The following KCNH1 variants were observed in gnomAD, a reference collection of about 807,000 sequenced individuals.
KCNH1 encodes voltage-gated delayed rectifier potassium channel KCNH1.
KCNH1 carries 27 observed loss-of-function variants against 69.2 expected under a neutral mutation model. The ratio of observed to expected loss-of-function variants is 0.39; its 90% CI spans 0.29 to 0.54. The LOEUF (loss-of-function observed/expected upper bound fraction) is 0.54, where lower values mean the gene tolerates loss of function less well. Among genes scored for constraint, KCNH1 ranks in the 20% least tolerant of loss-of-function variants. KCNH1 has a pLI of 0.68. For missense variants in KCNH1, 798 were observed against 1,261.6 expected, an observed-to-expected ratio of 0.63 and a Z score of 5.57; for synonymous variants, 456 against 487.7, an observed-to-expected ratio of 0.93 and a Z score of 0.86.
intron 10 of KCNH1, among the ~76,000 whole-genome samples, chr1:210,696,502 C>A (rs4951765): frequency 0.65 from 98,393 of 151,874 alleles, 32,944 homozygotes; most frequent in African/African-American, 0.81. Context: ...TGCAGGAGGG[C>A]GCTCCGGTTC....
chr1:211,106,790 A>G (rs1428983941), intron 2 of KCNH1, among the ~76,000 whole-genome samples: 1 of 152,202 alleles, frequency 6.6e-6, no homozygotes, highest in African/African-American at 2.4e-5. Context: ...GCAAGACGCC[A>G]TCTCAAAACA....
At chr1:211,029,164 TA>T (rs1394273879) in intron 5 of KCNH1, among the ~76,000 whole-genome samples, 3 of 62,534 alleles carry the variant, frequency 4.8e-5, no homozygotes, top group African/African-American at 1.3e-4. Flanking sequence ...ACCCCATCTC[TA>T]CAAAAAAAAA....
chr1:210,860,091 C>T, intron 7 of KCNH1: 2 of 1,163,130 alleles, frequency 1.7e-6, no homozygotes, highest in Non-Finnish European at 2.4e-6. Context: ...TGCATCTTCT[C>T]CTGCAACTAC....
In KCNH1 at chr1:210,679,721, C is replaced by A. The variant is rs1230688394; in HGVS notation, c.*3560G>T. 1 of 151,960 alleles carries A rather than the reference C, an allele frequency of 6.6e-6. No individual in the cohort carries two copies. 9.4% of individuals were successfully genotyped at this position (151,960 alleles called of 1,614,324 possible). ...TCCCCACTTTTGAAAGAGGAGGATT[C>A]CAGGAAAGGGGCTGATGTTTGGCCA... On this transcript the variant is annotated 3_prime_UTR_variant, in exon 11 of 11. Transcript: ENST00000271751.
chr1:210,736,546 C>T (rs527949259), intron 10 of KCNH1, among the ~76,000 whole-genome samples: 1 of 151,048 alleles, frequency 6.6e-6, no homozygotes. Flanking sequence ...TCCATCCCCC[C>T]TCCAAAAAAA....
At chr1:211,102,741 G>A (rs1244682286) in intron 3 of KCNH1, among the ~76,000 whole-genome samples, 1 of 152,158 alleles carries the variant, frequency 6.6e-6, no homozygotes, top group African/African-American at 2.4e-5. Flanking sequence ...TGTGCCATAA[G>A]GACCACCCCG....
At chr1:210,717,027 T>G (rs1190007951) in intron 10 of KCNH1, among the ~76,000 whole-genome samples, 1 of 152,180 alleles carries the variant, frequency 6.6e-6, no homozygotes, top group Non-Finnish European at 1.5e-5. Flanking sequence ...TCCATTTGAG[T>G]TATATCTTCT....
intron 3 of KCNH1, among the ~76,000 whole-genome samples, chr1:211,092,853 T>C (rs1396176105): frequency 1.3e-5 from 2 of 152,062 alleles, no homozygotes; most frequent in African/African-American, 4.8e-5. Flanking sequence ...TAAAAAAATT[T>C]CAGCATTTTT....
intron 7 of KCNH1, among the ~76,000 whole-genome samples, chr1:210,909,768 G>A (rs1369862354): frequency 6.6e-6 from 1 of 152,194 alleles, no homozygotes; most frequent in Non-Finnish European, 1.5e-5. Flanking sequence ...TGCTGTCTAG[G>A]TAGTCTCCTT....
chr1:211,003,779 A>G (rs75985513), intron 6 of KCNH1, among the ~76,000 whole-genome samples: 5,773 of 152,350 alleles, frequency 0.038, 221 homozygotes, highest in South Asian at 0.12. Flanking sequence ...CTGATGAACT[A>G]TGGAAAAATA....
intron 7 of KCNH1, among the ~76,000 whole-genome samples, chr1:210,850,200 TA>T (rs942210639): frequency 1.3e-5 from 2 of 152,044 alleles, no homozygotes; most frequent in African/African-American, 4.8e-5. Flanking sequence ...AATTAACTTT[TA>T]TCTAAAAACA....
intron 6 of KCNH1, among the ~76,000 whole-genome samples, chr1:210,985,494 G>A (rs533679171): frequency 1.1e-4 from 17 of 152,018 alleles, no homozygotes; most frequent in Non-Finnish European, 2.2e-4. Context: ...CTTTGTTCTC[G>A]CTGGTTTCAA....
chr1:210,878,666 C>T (rs887772263), intron 7 of KCNH1, among the ~76,000 whole-genome samples: 8 of 151,846 alleles, frequency 5.3e-5, no homozygotes, highest in African/African-American at 1.9e-4. Context: ...GCATTCAGTA[C>T]CTATATTAGA....
intron 7 of KCNH1, among the ~76,000 whole-genome samples, chr1:210,825,813 G>C (rs1401465384): frequency 6.6e-6 from 1 of 152,150 alleles, no homozygotes; most frequent in African/African-American, 2.4e-5. Flanking sequence ...AACTCACATG[G>C]TGTTCATGCA....
rs1684480770 is a variant in KCNH1 at position 210,804,026 on chromosome 1, G to A, written c.1603C>T (p.Arg535Ter). 6.2e-7 allele frequency: 1 copy of A among 1,614,012 alleles called. No homozygotes were observed. The highest frequency in any genetic ancestry group is 1.7e-5 in the Admixed American group (1 of 60,006). The change falls in exon 8 of 11, where the codon CGA becomes TGA. Residue 535 changes from arginine to a stop codon, truncating the protein, a stop_gained. Coordinates refer to ENST00000271751, the MANE Select transcript of KCNH1 (RefSeq NM_172362.3). LOFTEE classifies it high-confidence loss of function. The part of the protein sequence containing the change: ...LYQVPKGLSE[R>*]VMDYIVSTWS... Reference sequence around the variant, plus strand: ...GTGGACACAATATAATCCATTACTCGCTCACTCAATCCTTTTGGCACCTGG... The same window carrying A: ...GTGGACACAATATAATCCATTACTCACTCACTCAATCCTTTTGGCACCTGG...
chr1:210,820,400 C>T (rs1240617441), intron 7 of KCNH1, among the ~76,000 whole-genome samples: 1 of 152,020 alleles, frequency 6.6e-6, no homozygotes, highest in Non-Finnish European at 1.5e-5. Context: ...CTTTGGGAGG[C>T]TGAGGCGGGT....
chr1:210,773,883 T>A (rs7519357), intron 10 of KCNH1, among the ~76,000 whole-genome samples: 21,374 of 152,180 alleles, frequency 0.14, 1,546 homozygotes, highest in Non-Finnish European at 0.16. Context: ...GTTGGCACAA[T>A]ACTGGGTTTG....
In KCNH1 at chr1:211,003,360, A is replaced by G. The variant is rs1448129747; in HGVS notation, c.1032+15423T>C. On this transcript the variant is annotated intron_variant, in intron 6 of 10. Coordinates refer to ENST00000271751, the MANE Select transcript of KCNH1 (RefSeq NM_172362.3). The stretch of plus-strand genomic sequence containing the variant: ...CAACAAGTCACCATAGGATGCCTGC[A>G]TCCCTTGACCAAAATATAAATTCGT... 3.9e-5 allele frequency among the ~76,000 whole-genome samples: 6 copies of G among 152,322 alleles called. 1 individual carries two copies. The highest frequency in any genetic ancestry group is 6.5e-5 in the Admixed American group (1 of 15,304).
At chr1:210,902,285 A>G (rs889595535) in intron 7 of KCNH1, among the ~76,000 whole-genome samples, 1 of 152,222 alleles carries the variant, frequency 6.6e-6, no homozygotes, top group East Asian at 1.9e-4. Context: ...TTCCATCAAG[A>G]CACAGCATTT....
Sources: allele counts gnomAD v4.1 joint callset (sites outside exome capture counted in the v4.1 genomes callset), GRCh38; gene constraint gnomAD v4.1.1; transcripts MANE v1.5; gene names NCBI Gene and HGNC (gene_info 2026-07-23, HGNC 2026-07-21).